ANAPC4: variants seen among roughly 807,000 people sequenced by gnomAD.
ANAPC4 encodes anaphase-promoting complex subunit 4.
Under a neutral mutation model 119.8 loss-of-function variants are expected in ANAPC4, and 63 were observed. The observed-to-expected ratio is 0.53, with a 90% CI of 0.43 to 0.65. The LOEUF is 0.65. Ranked by LOEUF, ANAPC4 falls within the 30% of genes least tolerant of loss-of-function variation. The pLI, the probability that ANAPC4 is intolerant of heterozygous loss-of-function variation, is 0.00. For missense variants in ANAPC4, 716 were observed against 945.1 expected, an observed-to-expected ratio of 0.76 and a Z score of 3.18; for synonymous variants, 283 against 318.6, an observed-to-expected ratio of 0.89 and a Z score of 1.19.
rs774328664 is a variant in ANAPC4, at chr4:25,409,738, A to C, written c.1472A>C (p.Asn491Thr). The change falls in exon 21 of 29, where the codon AAC (asparagine) becomes ACC (threonine). Residue 491 changes from asparagine (N) to threonine (T), a missense_variant. Coordinates refer to ENST00000315368, the MANE Select transcript of ANAPC4 (RefSeq NM_013367.3). ...DEDDDLVSPP[N>T]TEGNQWYDFL... Reference sequence around the variant, plus strand: ...GATGATGATCTTGTGTCACCCCCTAACACAGAAGGAAACCAGTGGTATGAC... The same window carrying C: ...GATGATGATCTTGTGTCACCCCCTACCACAGAAGGAAACCAGTGGTATGAC... 1 of 1,613,394 alleles carries C rather than the reference A, an allele frequency of 6.2e-7. No individual in the cohort carries two copies. The highest frequency in any genetic ancestry group is 8.5e-7 in the Non-Finnish European group (1 of 1,179,544).
chr4:25,407,276 A>G (rs1400528304), intron 20 of ANAPC4, 23 bp downstream of exon 20: 1 of 1,581,466 alleles, frequency 6.3e-7, no homozygotes, highest in African/African-American at 1.4e-5. Flanking sequence ...AACTCATTTT[A>G]AAACCTTAGC....
At position 25,388,848 on chromosome 4, in the gene ANAPC4, T is replaced by C. The variant is rs1314890906; in HGVS notation, c.481T>C (p.Ser161Pro). ...ACTTCTATATTTTAGTGAAGAAAAT[T>C]CTGATGAAATTATTAAGCTCTTGGG... Reference protein sequence around the residue: ...NTSKIFSEENSDEIIKLLGDV... With the variant: ...NTSKIFSEENPDEIIKLLGDV... Residue 161 changes from serine (S) to proline (P), a missense_variant, in exon 7 of 29, where the codon TCT (serine) becomes CCT (proline). Ser to Pro is a moderately conservative substitution (Grantham distance 74, BLOSUM62 -1). This residue lies in a region of ANAPC4 where 202 missense variants were observed against 293.5 expected (regional missense o/e 0.69). Transcript: ENST00000315368. The C allele has an allele frequency of 6.2e-7, 1 of 1,604,988 alleles. No individual in the cohort carries two copies. The highest frequency in any genetic ancestry group is 8.5e-7 in the Non-Finnish European group (1 of 1,174,548).
chr4:25,394,231 A>G (rs1169707246), intron 11 of ANAPC4, 79 bp from the exon 12 acceptor site: 5 of 1,163,098 alleles, frequency 4.3e-6, no homozygotes, highest in South Asian at 1.5e-5. Context: ...AAAGGGAGTC[A>G]TGCTCCTATA....
chr4:25,410,218 A>G (rs1043478318), intron 21 of ANAPC4, among the ~76,000 whole-genome samples: 1 of 152,020 alleles, frequency 6.6e-6, no homozygotes, highest in Non-Finnish European at 1.5e-5. Context: ...TATACCTTTC[A>G]TTTTCTAGAA....
At chr4:25,382,080 A>G (rs931871678) in intron 3 of ANAPC4, among the ~76,000 whole-genome samples, 1 of 151,748 alleles carries the variant, frequency 6.6e-6, no homozygotes, top group African/African-American at 2.4e-5. Flanking sequence ...AAAGACAGTT[A>G]TTTGGTGCAT....
chr4:25,390,163 C>T lies in ANAPC4; in HGVS notation c.543C>T (p.Ser181=), dbSNP rs988848095. ...VRLNILVLGG[S]SGFIELYAYG... Reference sequence around the variant, plus strand: ...TTAATATTCTCGTCCTTGGAGGAAGCTCTGGATTTATTGAGCTTTATGCTT... The same window carrying T: ...TTAATATTCTCGTCCTTGGAGGAAGTTCTGGATTTATTGAGCTTTATGCTT... Residue 181 remains serine (S), a synonymous_variant, in exon 8 of 29, where the codon AGC becomes AGT. Transcript: ENST00000315368. 6 of 1,613,100 alleles carry T rather than the reference C, an allele frequency of 3.7e-6. No individual in the cohort carries two copies. The African/African-American group carries it at 5.3e-5, about 14-fold the overall frequency.
chr4:25,413,557 G>C (rs1723694906), intron 21 of ANAPC4, 88 bp from the exon 22 acceptor site: 1 of 954,962 alleles, frequency 1.0e-6, no homozygotes, highest in East Asian at 2.6e-5. Flanking sequence ...AAACTGTGCA[G>C]ACTGGCTCTA....
At position 25,393,807 on chromosome 4, in the gene ANAPC4, T is replaced by C. The variant is rs1268759807; in HGVS notation, c.792T>C (p.Tyr264=). 1.3e-6 allele frequency: 2 copies of C among 1,592,140 alleles called. No homozygotes were observed. The highest frequency in any genetic ancestry group is 1.2e-5 in the South Asian group (1 of 86,674). The change falls in exon 11 of 29, where the codon TAT becomes TAC. Residue 264 remains tyrosine, a splice_region_variant and synonymous_variant. Coordinates refer to ENST00000315368, the MANE Select transcript of ANAPC4 (RefSeq NM_013367.3). ...CAATTTTTCTTTTTTGCTAATAGTATATAAATTTGTCACTAACATGTATGT... is the reference window on the plus strand; with the variant it reads ...CAATTTTTCTTTTTTGCTAATAGTACATAAATTTGTCACTAACATGTATGT... ...KFTHISALLQ[Y]INLSLTCMCE...
At chr4:25,414,133 G>A (rs1211382543) in intron 22 of ANAPC4, 191 bp from the exon 23 acceptor site, 9 of 507,036 alleles carry the variant, frequency 1.8e-5, no homozygotes, top group Non-Finnish European at 3.1e-5. Context: ...TTAGCACCAA[G>A]GTCCTTTTCA....
chr4:25,380,948 C>A (rs1174697718), intron 3 of ANAPC4, among the ~76,000 whole-genome samples: 2 of 152,306 alleles, frequency 1.3e-5, no homozygotes, highest in East Asian at 3.9e-4. Context: ...TGACCCCATA[C>A]CTTCCATTTC....
At chr4:25,404,179 A>C (rs1184933830) in intron 17 of ANAPC4, among the ~76,000 whole-genome samples, 2 of 152,170 alleles carry the variant, frequency 1.3e-5, no homozygotes, top group East Asian at 3.8e-4. Context: ...TTTCAACCTA[A>C]CATAATTGCT....
chr4:25,401,578 G>A (rs1387314140), intron 16 of ANAPC4, among the ~76,000 whole-genome samples: 1 of 152,198 alleles, frequency 6.6e-6, no homozygotes, highest in East Asian at 1.9e-4. Flanking sequence ...GCATCCCTGG[G>A]CTTCTCCAAG....
intron 16 of ANAPC4, among the ~76,000 whole-genome samples, chr4:25,398,792 C>T (rs1722792484): frequency 6.6e-6 from 1 of 151,796 alleles, no homozygotes; most frequent in Non-Finnish European, 1.5e-5. Flanking sequence ...ATGTAATTAA[C>T]AAGATTTTCT....
chr4:25,385,342 G>T (rs187866873), intron 4 of ANAPC4, among the ~76,000 whole-genome samples: 1 of 152,268 alleles, frequency 6.6e-6, no homozygotes, highest in Admixed American at 6.5e-5. Flanking sequence ...ATCCTCGATG[G>T]CATCTTCCAA....
At chr4:25,386,911 A>G (rs1339167358) in intron 4 of ANAPC4, among the ~76,000 whole-genome samples, 1 of 152,232 alleles carries the variant, frequency 6.6e-6, no homozygotes, top group Non-Finnish European at 1.5e-5. Context: ...TGAGGCACAA[A>G]AAACAAAGCT....
chr4:25,401,786 C>A (rs1424178315), intron 16 of ANAPC4, among the ~76,000 whole-genome samples: 1 of 152,136 alleles, frequency 6.6e-6, no homozygotes, highest in Non-Finnish European at 1.5e-5. Context: ...CATCCACAGC[C>A]ATTTTAATGG....
At chr4:25,418,065 C>A in intron 28 of ANAPC4, 90 bp from the exon 29 acceptor site, 1 of 1,239,098 alleles carries the variant, frequency 8.1e-7, no homozygotes, top group Non-Finnish European at 1.1e-6. Context: ...TCCTATAAAA[C>A]CATTCTTTGA....
At chr4:25,409,813 T>C (rs763414795) in intron 21 of ANAPC4, 22 bp downstream of exon 21, 3 of 1,577,502 alleles carry the variant, frequency 1.9e-6, no homozygotes, top group Non-Finnish European at 1.7e-6. Context: ...ACCAACCAGA[T>C]TTTGGCCATT....
At position 25,396,891 on chromosome 4, in the gene ANAPC4, ACTT is replaced by A. The variant is rs1216484817; in HGVS notation, c.1211_1213del (p.Leu404del). 1 of 1,612,166 alleles carries A rather than the reference ACTT, an allele frequency of 6.2e-7. No homozygotes were observed. Among genetic ancestry groups the A allele is most frequent in the Non-Finnish European group, 8.5e-7 (1 of 1,179,410 alleles). ...GTTCTTTTATACTCAAGGCAAATGA[ACTT>A]CTTCAGTAAGTATTGGGAGTACCTG... On this transcript the variant is annotated inframe_deletion, in exon 16 of 29. Transcript: ENST00000315368.
Sources: allele counts gnomAD v4.1 joint callset (sites outside exome capture counted in the v4.1 genomes callset), GRCh38; gene constraint gnomAD v4.1.1; regional missense constraint gnomAD v4.1.1; transcripts MANE v1.5; gene names NCBI Gene and HGNC (gene_info 2026-07-23, HGNC 2026-07-21).